Variants in PPP1R12B observed in about 807,000 individuals in gnomAD.
PPP1R12B encodes the protein myosin phosphatase target subunit 2.
PPP1R12B carries 76 observed loss-of-function variants against 126.1 expected under a neutral mutation model. The observed-to-expected ratio is 0.60, with a 90% CI of 0.50 to 0.73. PPP1R12B has a LOEUF of 0.73. Among genes scored for constraint, PPP1R12B ranks in the 30% least tolerant of loss-of-function variants. PPP1R12B has a pLI of 0.00. For synonymous variants in PPP1R12B, 356 were observed against 434.7 expected (o/e 0.82, Z 2.25); for missense variants, 1,052 against 1,205.1 (o/e 0.87, Z 1.88).
chr1:202,368,072 C>A (rs192828763), intron 1 of PPP1R12B, among the ~76,000 whole-genome samples: 1 of 152,084 alleles, frequency 6.6e-6, no homozygotes, highest in South Asian at 2.1e-4. Flanking sequence ...CAGGTTCAAG[C>A]GATTCTCCTG....
chr1:202,530,418 C>A (rs1307062280), intron 18 of PPP1R12B, among the ~76,000 whole-genome samples: 1 of 152,166 alleles, frequency 6.6e-6, no homozygotes, highest in East Asian at 1.9e-4. Context: ...GGGGGAAAAG[C>A]TATGTTGTTC....
chr1:202,363,486 T>C (rs1658585766), intron 1 of PPP1R12B, among the ~76,000 whole-genome samples: 1 of 152,226 alleles, frequency 6.6e-6, no homozygotes, highest in Admixed American at 6.5e-5. Context: ...GTGCATTCTT[T>C]AATTTAGTTT....
chr1:202,510,849 G>A (rs1461213400), intron 18 of PPP1R12B, among the ~76,000 whole-genome samples: 1 of 146,410 alleles, frequency 6.8e-6, no homozygotes, highest in Admixed American at 6.9e-5. Context: ...TCCAATACAA[G>A]TTTTATTCAG....
In PPP1R12B at chr1:202,438,020, A is replaced by G; in HGVS notation, c.1454A>G (p.Asp485Gly). Residue 485 changes from aspartate to glycine, a missense_variant, in exon 10 of 24, where the codon GAT becomes GGT. Transcript: ENST00000608999. The stretch of plus-strand genomic sequence containing the variant: ...ATTTCTGCTCTACTGGACAACAAAG[A>G]TAAGGTGCAGTTTGGGAGGGTATGG... Reference protein sequence around the residue: ...PRISALLDNKDKERENKSYIS... With the variant: ...PRISALLDNKGKERENKSYIS... The G allele has an allele frequency of 6.2e-7, 1 of 1,613,860 alleles. No individual in the cohort carries two copies.
At chr1:202,475,735 A>G (rs547082381) in intron 13 of PPP1R12B, among the ~76,000 whole-genome samples, 1 of 152,306 alleles carries the variant, frequency 6.6e-6, no homozygotes, top group African/African-American at 2.4e-5. Context: ...ATCAAATGAC[A>G]TCTTGAATTC....
chr1:202,499,434 T>C (rs1558304821), intron 18 of PPP1R12B, among the ~76,000 whole-genome samples: 1 of 152,270 alleles, frequency 6.6e-6, no homozygotes, highest in East Asian at 1.9e-4. Context: ...TTTGGAGTTT[T>C]TCTAGAGATG....
In PPP1R12B at chr1:202,437,295, C is replaced by T. The variant is rs142854120; in HGVS notation, c.1255-526C>T. Reference sequence around the variant, plus strand: ...GCAGTGAACTCTGATTAGGCCACTGCACTCCAGCCTCGGTGATAAGAGTGA... The same window carrying T: ...GCAGTGAACTCTGATTAGGCCACTGTACTCCAGCCTCGGTGATAAGAGTGA... On this transcript the variant is annotated intron_variant, in intron 9 of 23. Transcript: ENST00000608999. Among the ~76,000 whole-genome samples the T allele has an allele frequency of 6.6e-5, 10 of 151,794 alleles. No individual in the cohort carries two copies. The East Asian group carries it at 1.9e-3, about 29-fold the overall frequency.
intron 13 of PPP1R12B, among the ~76,000 whole-genome samples, chr1:202,477,003 A>G (rs932393237): frequency 6.6e-6 from 1 of 152,188 alleles, no homozygotes; most frequent in Non-Finnish European, 1.5e-5. Flanking sequence ...TTCATGGAGA[A>G]TATTTCAAGG....
chr1:202,371,433 A>G (rs1660238405), intron 1 of PPP1R12B, among the ~76,000 whole-genome samples: 1 of 152,034 alleles, frequency 6.6e-6, no homozygotes, highest in African/African-American at 2.4e-5. Context: ...CACTTCTGCA[A>G]TGACTAGTGA....
At chr1:202,391,118 A>AT (rs1378529948) in intron 1 of PPP1R12B, among the ~76,000 whole-genome samples, 1 of 152,228 alleles carries the variant, frequency 6.6e-6, no homozygotes, top group East Asian at 1.9e-4. Flanking sequence ...TGCAAATTAT[A>AT]TATCTTGTAA....
At chr1:202,429,702 C>G (rs1669968912) in intron 6 of PPP1R12B, among the ~76,000 whole-genome samples, 1 of 152,024 alleles carries the variant, frequency 6.6e-6, no homozygotes, top group Admixed American at 6.6e-5. Context: ...CATTAGGGGC[C>G]AAAAAAATCA....
chr1:202,423,373 A>G (rs1167609275), intron 3 of PPP1R12B, among the ~76,000 whole-genome samples: 2 of 152,104 alleles, frequency 1.3e-5, no homozygotes, highest in East Asian at 3.9e-4. Flanking sequence ...CTGCTAAACT[A>G]CCTTACTCAC....
chr1:202,450,630 A>G (rs772172944), intron 13 of PPP1R12B, among the ~76,000 whole-genome samples: 1 of 152,208 alleles, frequency 6.6e-6, no homozygotes, highest in Non-Finnish European at 1.5e-5. Flanking sequence ...TCTTTTCTCC[A>G]ATGTATGTTC....
At chr1:202,405,437 A>G (rs1200383361) in intron 1 of PPP1R12B, among the ~76,000 whole-genome samples, 2 of 152,178 alleles carry the variant, frequency 1.3e-5, no homozygotes, top group Non-Finnish European at 2.9e-5. Flanking sequence ...AACTATATTT[A>G]TGTTTAAGTA....
intron 19 of PPP1R12B, 109 bp from the exon 20 acceptor site, chr1:202,562,669 G>A (rs764333113): frequency 6.6e-6 from 8 of 1,215,728 alleles, no homozygotes; most frequent in Non-Finnish European, 9.8e-6. Context: ...TTTCTGGCCA[G>A]GGCTCCGAAA....
chr1:202,495,681 A>T lies in PPP1R12B; in HGVS notation c.2447A>T (p.Asp816Val). Residue 816 changes from aspartate to valine, a missense_variant and splice_region_variant, in exon 17 of 24, where the codon GAT becomes GTT. Coordinates refer to ENST00000608999, the MANE Select transcript of PPP1R12B (RefSeq NM_002481.4). ...RGTGINFWTK[D>V]EDETDGSEEV... ...ACAGGCATCAATTTCTGGACAAAGG[A>T]TGTAAGTGGATTGGTCTGTGCTGAG... 1 of 1,612,984 alleles carries T rather than the reference A, an allele frequency of 6.2e-7. No individual in the cohort carries two copies. The highest frequency in any genetic ancestry group is 8.5e-7 in the Non-Finnish European group (1 of 1,179,042).
intron 11 of PPP1R12B, among the ~76,000 whole-genome samples, chr1:202,441,943 G>A (rs1572042919): frequency 6.6e-6 from 1 of 151,836 alleles, no homozygotes; most frequent in Admixed American, 6.6e-5. Flanking sequence ...TGCAGCCTCT[G>A]CCTCCTGGGT....
intron 13 of PPP1R12B, among the ~76,000 whole-genome samples, chr1:202,475,622 ATAACGTTGTTACT>A (rs1183107335): frequency 6.6e-6 from 1 of 152,218 alleles, no homozygotes; most frequent in Non-Finnish European, 1.5e-5. Flanking sequence ...CTTTAGGTAT[ATAACGTTGTTACT>A]TGGGTGTTTT....
intron 13 of PPP1R12B, among the ~76,000 whole-genome samples, chr1:202,473,668 T>G (rs1476718640): frequency 6.6e-6 from 1 of 152,258 alleles, no homozygotes; most frequent in East Asian, 1.9e-4. Flanking sequence ...GGAATGTTAT[T>G]TTGGGAACTA....
Sources: gnomAD v4.1 joint callset for allele counts (sites outside exome capture counted in the v4.1 genomes callset) on GRCh38, gnomAD v4.1.1 for gene constraint, MANE v1.5 for transcripts, NCBI Gene and HGNC (gene_info 2026-07-23, HGNC 2026-07-21) for gene names.